The following CSMD3 variants were observed in gnomAD, a reference collection of about 807,000 sequenced individuals.
CSMD3 encodes the protein CUB and sushi domain-containing protein 3.
Under a neutral mutation model 435.2 loss-of-function variants are expected in CSMD3, and 177 were observed. The ratio of observed to expected loss-of-function variants is 0.41; its 90% CI spans 0.36 to 0.46. The LOEUF (loss-of-function observed/expected upper bound fraction) is 0.46. CSMD3 is among the 20% of genes least tolerant of loss of function. CSMD3 has a pLI of 0.34. For synonymous variants in CSMD3, 1,656 were observed against 1,520.5 expected, an observed-to-expected ratio of 1.09 and a Z score of -2.07; for missense variants, 4,265 against 4,504.6, an observed-to-expected ratio of 0.95 and a Z score of 1.52.
intron 1 of CSMD3, among the ~76,000 whole-genome samples, chr8:113,411,775 T>C (rs1346195743): frequency 1.3e-5 from 2 of 152,188 alleles, no homozygotes; most frequent in African/African-American, 2.4e-5. Flanking sequence ...TAATTCTTCA[T>C]TGGCAATGGG....
intron 38 of CSMD3, among the ~76,000 whole-genome samples, chr8:112,362,660 C>T (rs1184229590): frequency 1.3e-5 from 2 of 149,216 alleles, no homozygotes; most frequent in South Asian, 2.2e-4. Flanking sequence ...AGACTCTTGA[C>T]GGAACAGGAG....
intron 28 of CSMD3, among the ~76,000 whole-genome samples, chr8:112,508,651 A>G (rs1387299806): frequency 3.3e-5 from 5 of 152,088 alleles, no homozygotes; most frequent in Non-Finnish European, 7.4e-5. Flanking sequence ...AGCCTTCTCT[A>G]AAAAAAGAAA....
chr8:113,291,972 T>A (rs1010547687), intron 2 of CSMD3, among the ~76,000 whole-genome samples: 21 of 151,876 alleles, frequency 1.4e-4, no homozygotes, highest in Non-Finnish European at 2.5e-4. Flanking sequence ...CAGACAAGAT[T>A]AGAATAATTG....
intron 16 of CSMD3, among the ~76,000 whole-genome samples, chr8:112,669,581 A>G (rs1359532955): frequency 6.6e-6 from 1 of 152,206 alleles, no homozygotes; most frequent in Non-Finnish European, 1.5e-5. Context: ...CTAAAAAACA[A>G]TAACTACTCT....
chr8:112,903,574 G>GT (rs1358192664), intron 10 of CSMD3, among the ~76,000 whole-genome samples: 1 of 150,948 alleles, frequency 6.6e-6, no homozygotes, highest in African/African-American at 2.4e-5. Flanking sequence ...AATAATTTTT[G>GT]TTTTTTCAGA....
chr8:112,323,124 A>C (rs1239544813), intron 45 of CSMD3, among the ~76,000 whole-genome samples: 2 of 149,496 alleles, frequency 1.3e-5, no homozygotes, highest in Non-Finnish European at 3.0e-5. Context: ...TTGAATAAAA[A>C]AGTAAAGGGG....
At chr8:112,846,283 TTC>T (rs758394405) in intron 11 of CSMD3, among the ~76,000 whole-genome samples, 34 of 150,844 alleles carry the variant, frequency 2.3e-4, no homozygotes, top group South Asian at 1.7e-3. Context: ...CTTTCTTTCC[TTC>T]TCTCTCTCTC....
chr8:112,645,909 CA>C (rs892482521), intron 19 of CSMD3, among the ~76,000 whole-genome samples: 12 of 151,876 alleles, frequency 7.9e-5, no homozygotes, highest in African/African-American at 1.7e-4. Context: ...CTGGAGGAAG[CA>C]AAAAAATATT....
chr8:112,800,714 G>A (rs905724369), intron 12 of CSMD3, among the ~76,000 whole-genome samples: 1 of 151,886 alleles, frequency 6.6e-6, no homozygotes, highest in Non-Finnish European at 1.5e-5. Context: ...GAGTATAACC[G>A]AACCCTTTGC....
chr8:113,367,180 T>C (rs10087093), intron 1 of CSMD3, among the ~76,000 whole-genome samples: 49,056 of 151,620 alleles, frequency 0.32, 9,831 homozygotes, highest in Non-Finnish European at 0.47. Flanking sequence ...TATAATTACT[T>C]ATGCTATCAA....
intron 4 of CSMD3, among the ~76,000 whole-genome samples, chr8:113,129,617 C>T (rs1357188146): frequency 1.3e-5 from 2 of 152,136 alleles, no homozygotes; most frequent in Admixed American, 1.3e-4. Context: ...TCAAAAACTT[C>T]ATGTTCAGTT....
chr8:112,753,599 T>C (rs1362099299), intron 13 of CSMD3, among the ~76,000 whole-genome samples: 2 of 152,180 alleles, frequency 1.3e-5, no homozygotes, highest in African/African-American at 2.4e-5. Flanking sequence ...TTCCTGACTG[T>C]CTAACTGGTT....
chr8:112,289,386 C>T lies in CSMD3; in HGVS notation c.9127G>A (p.Gly3043Arg), dbSNP rs138442191. The T allele has an allele frequency of 8.7e-6, 14 of 1,613,026 alleles. No homozygotes were observed. Among genetic ancestry groups the T allele is most frequent in the Admixed American group, 6.7e-5 (4 of 59,868 alleles). ...RTCQLNGHWS[G>R]SQPHCSGDAT... ...GTACCTGAACAATGAGGTTGTGATC[C>T]ACTCCAATGGCCATTCAATTGGCAG... is the stretch of plus-strand genomic sequence containing the variant. Residue 3043 changes from glycine to arginine, a missense_variant, in exon 57 of 71, where the codon GGA (glycine) becomes AGA (arginine). This residue lies in a region of CSMD3 where 3,255 missense variants were observed against 3,380.2 expected (regional missense o/e 0.96). Transcript: ENST00000297405.
At chr8:112,862,420 G>A (rs928286237) in intron 10 of CSMD3, among the ~76,000 whole-genome samples, 1 of 151,886 alleles carries the variant, frequency 6.6e-6, no homozygotes, top group Non-Finnish European at 1.5e-5. Context: ...ATGAACAGAA[G>A]CTGATAGAAC....
chr8:113,387,632 A>C (rs2094444848), intron 1 of CSMD3, among the ~76,000 whole-genome samples: 1 of 151,668 alleles, frequency 6.6e-6, no homozygotes, highest in Admixed American at 6.6e-5. Context: ...GAGAATCCAG[A>C]AGAAGCAGAA....
chr8:113,247,910 A>C (rs1245261319), intron 3 of CSMD3, among the ~76,000 whole-genome samples: 3 of 152,138 alleles, frequency 2.0e-5, no homozygotes, highest in Admixed American at 1.3e-4. Flanking sequence ...CTACACTTGC[A>C]AATGACTGGA....
chr8:112,618,062 A>C (rs1833791513), intron 22 of CSMD3, among the ~76,000 whole-genome samples: 1 of 152,116 alleles, frequency 6.6e-6, no homozygotes, highest in Admixed American at 6.6e-5. Flanking sequence ...AGAGAGTTTA[A>C]GGCTACTAAA....
chr8:113,072,941 A>T (rs1210140615), intron 5 of CSMD3, among the ~76,000 whole-genome samples: 9 of 151,714 alleles, frequency 5.9e-5, no homozygotes, highest in Non-Finnish European at 1.3e-4. Flanking sequence ...TCCTTACTCA[A>T]CAATAACAAT....
intron 2 of CSMD3, among the ~76,000 whole-genome samples, chr8:113,306,524 A>C (rs1250398995): frequency 6.6e-6 from 1 of 152,174 alleles, no homozygotes; most frequent in Non-Finnish European, 1.5e-5. Context: ...TTTCATGGAA[A>C]GTCATTCTCT....
Sources: allele counts gnomAD v4.1 joint callset (sites outside exome capture counted in the v4.1 genomes callset), GRCh38; gene constraint gnomAD v4.1.1; regional missense constraint gnomAD v4.1.1; transcripts MANE v1.5; gene names NCBI Gene and HGNC (gene_info 2026-07-23, HGNC 2026-07-21).